Variants in CNTNAP5 observed in about 807,000 individuals in gnomAD.
The protein encoded by CNTNAP5 is contactin-associated protein-like 5.
CNTNAP5 carries 72 observed loss-of-function variants against 150.2 expected under a neutral mutation model. The ratio of observed to expected loss-of-function variants is 0.48; its 90% CI spans 0.40 to 0.58. CNTNAP5 has a LOEUF of 0.58. Ranked by LOEUF, CNTNAP5 falls within the 20% of genes least tolerant of loss-of-function variation. The pLI is 0.00. For missense variants in CNTNAP5, 1,636 were observed against 1,626.2 expected, an observed-to-expected ratio of 1.01 and a Z score of -0.10; for synonymous variants, 672 against 619.8, an observed-to-expected ratio of 1.08 and a Z score of -1.25.
At chr2:124,781,171 C>T (rs1681442875) in intron 17 of CNTNAP5, among the ~76,000 whole-genome samples, 1 of 152,134 alleles carries the variant, frequency 6.6e-6, no homozygotes, top group Admixed American at 6.5e-5. Flanking sequence ...CAAGTGCATG[C>T]TCAGTCAGCC....
chr2:124,426,620 G>C (rs567680477), intron 4 of CNTNAP5, among the ~76,000 whole-genome samples: 1 of 152,194 alleles, frequency 6.6e-6, no homozygotes, highest in Non-Finnish European at 1.5e-5. Context: ...TTTCTGGCCC[G>C]TGAGGAAGCT....
chr2:124,792,892 G>T (rs887247695), intron 18 of CNTNAP5, among the ~76,000 whole-genome samples: 1 of 152,040 alleles, frequency 6.6e-6, no homozygotes, highest in Non-Finnish European at 1.5e-5. Flanking sequence ...AGAGTGTTGC[G>T]CAGTGTGAAA....
chr2:124,180,629 T>C (rs969233574), intron 1 of CNTNAP5, among the ~76,000 whole-genome samples: 1 of 151,748 alleles, frequency 6.6e-6, no homozygotes, highest in African/African-American at 2.4e-5. Flanking sequence ...TCAAGATGAG[T>C]TTTATTATGA....
At chr2:124,040,503 C>T (rs561339211) in intron 1 of CNTNAP5, among the ~76,000 whole-genome samples, 6 of 151,980 alleles carry the variant, frequency 3.9e-5, no homozygotes, top group Non-Finnish European at 7.4e-5. Flanking sequence ...GATAACCTTA[C>T]AGTATGCCAT....
At chr2:124,801,405 A>G (rs1681963257) in intron 19 of CNTNAP5, among the ~76,000 whole-genome samples, 1 of 152,226 alleles carries the variant, frequency 6.6e-6, no homozygotes, top group Non-Finnish European at 1.5e-5. Context: ...AAATTTTAAA[A>G]TGAATCTTCT....
chr2:124,177,151 A>T (rs146395066), intron 1 of CNTNAP5, among the ~76,000 whole-genome samples: 146 of 152,200 alleles, frequency 9.6e-4, no homozygotes, highest in African/African-American at 3.3e-3. Flanking sequence ...ACTGGCTCAG[A>T]TAATGTCTTT....
At chr2:124,476,829 T>C (rs1339733657) in intron 7 of CNTNAP5, among the ~76,000 whole-genome samples, 1 of 152,102 alleles carries the variant, frequency 6.6e-6, no homozygotes, top group East Asian at 1.9e-4. Context: ...CATCTCTCTT[T>C]CTATGCTATC....
At chr2:124,284,218 A>G (rs1338673010) in intron 3 of CNTNAP5, among the ~76,000 whole-genome samples, 1 of 152,174 alleles carries the variant, frequency 6.6e-6, no homozygotes, top group Non-Finnish European at 1.5e-5. Flanking sequence ...AACAATGTAT[A>G]AGTTTTGTTA....
At chr2:124,763,148 A>G (rs1435850805) in intron 14 of CNTNAP5, among the ~76,000 whole-genome samples, 1 of 152,126 alleles carries the variant, frequency 6.6e-6, no homozygotes, top group East Asian at 1.9e-4. Context: ...CGAGATCTTT[A>G]AGAACAAAAT....
intron 1 of CNTNAP5, among the ~76,000 whole-genome samples, chr2:124,198,402 T>G (rs2104705239): frequency 6.6e-6 from 1 of 152,130 alleles, no homozygotes; most frequent in East Asian, 1.9e-4. Context: ...ACAGAAGCGC[T>G]TAGTTTTTTT....
At chr2:124,490,351 G>A (rs576867575) in intron 7 of CNTNAP5, among the ~76,000 whole-genome samples, 47 of 93,162 alleles carry the variant, frequency 5.0e-4, no homozygotes, top group South Asian at 8.1e-4. Context: ...AAAAAAAGAA[G>A]AAAGAAAGAG....
At chr2:124,043,464 A>G (rs1007851903) in intron 1 of CNTNAP5, among the ~76,000 whole-genome samples, 3 of 152,184 alleles carry the variant, frequency 2.0e-5, no homozygotes, top group Non-Finnish European at 2.9e-5. Context: ...TTCCACAAAT[A>G]CCTAACGATA....
intron 8 of CNTNAP5, among the ~76,000 whole-genome samples, chr2:124,504,857 C>T (rs770227264): frequency 2.0e-5 from 3 of 151,918 alleles, no homozygotes; most frequent in Non-Finnish European, 4.4e-5. Context: ...CAGATGCACA[C>T]CACCACATCC....
chr2:124,457,188 A>G (rs1373539820), intron 6 of CNTNAP5, among the ~76,000 whole-genome samples: 1 of 152,192 alleles, frequency 6.6e-6, no homozygotes. Context: ...TCCAATGACT[A>G]TACAAATTCT....
At chr2:124,734,812 T>C (rs944801456) in intron 13 of CNTNAP5, among the ~76,000 whole-genome samples, 6 of 152,182 alleles carry the variant, frequency 3.9e-5, no homozygotes, top group African/African-American at 1.4e-4. Context: ...CATTAGTGTT[T>C]AGCAATCCGT....
At chr2:124,147,320 A>G (rs1401465144) in intron 1 of CNTNAP5, among the ~76,000 whole-genome samples, 4 of 152,332 alleles carry the variant, frequency 2.6e-5, no homozygotes, top group Middle Eastern at 6.8e-3. Context: ...AACACACTAT[A>G]TATTAGCTAA....
chr2:124,636,640 C>CTGTG lies in CNTNAP5; in HGVS notation c.1877-11108_1877-11105dup, dbSNP rs374829931. ...TTATTTTGCCAATTACTCCTTAACT[C>CTGTG]TGTGTGTGTGTGTCTGTGTGTGTCT... On this transcript the variant is annotated intron_variant, in intron 12 of 23. Coordinates refer to ENST00000682447, the MANE Select transcript of CNTNAP5 (RefSeq NM_001367498.1). Among the ~76,000 whole-genome samples, 113 of 151,336 alleles carry CTGTG rather than the reference C, an allele frequency of 7.5e-4. No homozygotes were observed. The Middle Eastern group carries it at 0.01, about 14-fold the overall frequency.
intron 12 of CNTNAP5, among the ~76,000 whole-genome samples, chr2:124,645,178 T>C (rs533425427): frequency 1.3e-5 from 2 of 152,214 alleles, no homozygotes; most frequent in Non-Finnish European, 2.9e-5. Flanking sequence ...TTAAAAGTTC[T>C]GGGTTAATTG....
intron 1 of CNTNAP5, among the ~76,000 whole-genome samples, chr2:124,112,276 C>G (rs569513783): frequency 6.6e-6 from 1 of 152,252 alleles, no homozygotes; most frequent in East Asian, 1.9e-4. Context: ...CTCAGGTTCC[C>G]CCTGAGTTGA....
Sources: allele counts gnomAD v4.1 joint callset (sites outside exome capture counted in the v4.1 genomes callset), GRCh38; gene constraint gnomAD v4.1.1; transcripts MANE v1.5; gene names NCBI Gene and HGNC (gene_info 2026-07-23, HGNC 2026-07-21).